The following ARID1A variants were observed in gnomAD, a reference collection of about 807,000 sequenced individuals.
The protein encoded by ARID1A is AT-rich interaction domain 1A.
A neutral mutation model predicts 212.6 loss-of-function variants in ARID1A; 20 were observed. The observed-to-expected ratio is 0.09, with a 90% confidence interval of 0.07 to 0.14. ARID1A has a LOEUF of 0.14. Ranked by LOEUF, ARID1A falls within the 10% of genes least tolerant of loss-of-function variation. The pLI is 1.00. For missense variants in ARID1A, 2,587 were observed against 3,059.0 expected, an observed-to-expected ratio of 0.85 and a Z score of 3.64; for synonymous variants, 1,376 against 1,222.1, an observed-to-expected ratio of 1.13 and a Z score of -2.63.
In ARID1A at chr1:26,696,855, G is replaced by A; in HGVS notation, c.452G>A (p.Gly151Glu). The A allele has an allele frequency of 7.4e-7, 1 of 1,344,700 alleles. No homozygotes were observed. The highest frequency in any genetic ancestry group is 9.5e-7 in the Non-Finnish European group (1 of 1,049,364). 83.3% of individuals were successfully genotyped at this position (1,344,700 alleles called of 1,614,324 possible). The part of the protein sequence containing the change: ...AALPPPAYGF[G>E]QPYGRSPSAV... ...TTGCCGCCCCCAGCCTACGGCTTCG[G>A]GCAACCCTACGGCCGGAGCCCGTCT... The change falls in exon 1 of 20, where the codon GGG (glycine) becomes GAG (glutamate). Residue 151 changes from glycine (G) to glutamate (E), a missense_variant. Coordinates refer to ENST00000324856, the MANE Select transcript of ARID1A (RefSeq NM_006015.6).
At chr1:26,713,640 G>A (rs2080474674) in intron 1 of ARID1A, among the ~76,000 whole-genome samples, 1 of 152,104 alleles carries the variant, frequency 6.6e-6, no homozygotes, top group Admixed American at 6.5e-5. Flanking sequence ...GATTACAGGC[G>A]TGCGCCCAGC....
In ARID1A at chr1:26,697,156, G is replaced by T. The variant is rs1217485804; in HGVS notation, c.753G>T (p.Pro251=). The T allele has an allele frequency of 1.4e-6, 2 of 1,439,586 alleles. No individual in the cohort carries two copies. Among genetic ancestry groups the T allele is most frequent in the Non-Finnish European group, 1.8e-6 (2 of 1,099,462 alleles). 89.2% of individuals were successfully genotyped at this position (1,439,586 alleles called of 1,614,324 possible). The change falls in exon 1 of 20, where the codon CCG becomes CCT. Residue 251 remains proline, a synonymous_variant. Coordinates refer to ENST00000324856, the MANE Select transcript of ARID1A (RefSeq NM_006015.6). ...CGGCGGCGGCTGCCGGCTCCAAGCC[G>T]CCTCCCTCCTCCAGCGCCTCCGCCT... ...SGAAAAAGSK[P]PPSSSASASS... is the part of the protein sequence containing the mutation.
rs2124110697 is a variant in ARID1A, at chr1:26,773,402, G to A, written c.3772G>A (p.Asp1258Asn). 1 of 1,612,846 alleles carries A rather than the reference G, an allele frequency of 6.2e-7. No individual in the cohort carries two copies. Among genetic ancestry groups the A allele is most frequent in the Non-Finnish European group, 8.5e-7 (1 of 1,179,270 alleles). ...GCAGGGCCCCAACGGCGGGATGGGTGACCCCTACAGTCGTGCTGCCGGCCC... is the reference window on the plus strand; with the variant it reads ...GCAGGGCCCCAACGGCGGGATGGGTAACCCCTACAGTCGTGCTGCCGGCCC... ...SGQGPNGGMG[D>N]PYSRAAGPGL... Residue 1258 changes from aspartate to asparagine, a missense_variant, in exon 15 of 20, where the codon GAC becomes AAC. Physicochemically the swap from Asp to Asn is conservative, Grantham distance 23. Transcript: ENST00000324856.
At chr1:26,755,622 T>C (rs1416259018) in intron 4 of ARID1A, among the ~76,000 whole-genome samples, 2 of 152,186 alleles carry the variant, frequency 1.3e-5, no homozygotes, top group Non-Finnish European at 2.9e-5. Flanking sequence ...ATCCCTCAGG[T>C]GGACCAGGGG....
chr1:26,778,943 G>A (rs1570620864), intron 19 of ARID1A, 80 bp from the exon 20 acceptor site: 1 of 1,371,534 alleles, frequency 7.3e-7, no homozygotes, highest in East Asian at 2.3e-5. Flanking sequence ...CAGAAGACTT[G>A]GGGAGGTCTC....
At chr1:26,715,366 C>G (rs1300044406) in intron 1 of ARID1A, among the ~76,000 whole-genome samples, 2 of 152,164 alleles carry the variant, frequency 1.3e-5, no homozygotes, top group Non-Finnish European at 2.9e-5. Context: ...TACCATATCA[C>G]TTAATGGTAG....
chr1:26,773,235 C>A, intron 14 of ARID1A, 111 bp from the exon 15 acceptor site: 1 of 1,435,076 alleles, frequency 7.0e-7, no homozygotes, highest in Non-Finnish European at 9.4e-7. Flanking sequence ...TTGAACTTGT[C>A]TGGAAAACAA....
chr1:26,700,306 A>G (rs1570544588), intron 1 of ARID1A, among the ~76,000 whole-genome samples: 1 of 152,230 alleles, frequency 6.6e-6, no homozygotes, highest in East Asian at 1.9e-4. Flanking sequence ...GTCTTAGATT[A>G]AGAATATTTT....
chr1:26,706,987 G>A (rs1449989461), intron 1 of ARID1A, among the ~76,000 whole-genome samples: 1 of 151,562 alleles, frequency 6.6e-6, no homozygotes, highest in East Asian at 1.9e-4. Context: ...CAATTCTGTA[G>A]GTAGTTTATC....
intron 19 of ARID1A, 62 bp downstream of exon 19, chr1:26,775,769 G>T (rs771539435): frequency 6.2e-7 from 1 of 1,604,002 alleles, no homozygotes; most frequent in Admixed American, 1.7e-5. Context: ...TAGACAATGG[G>T]AATGTCTCAT....
In ARID1A at chr1:26,728,182, A is replaced by C. The variant is rs562879565; in HGVS notation, c.1138-1469A>C. On this transcript the variant is annotated intron_variant, in intron 1 of 19. Transcript: ENST00000324856. ...GTACAGTTTAGAAACATGGGGGAGG[A>C]GTATTCCCATCATCACTCACCAATT... is the stretch of plus-strand genomic sequence containing the variant. Among the ~76,000 whole-genome samples, 3 of 152,260 alleles carry C rather than the reference A, an allele frequency of 2.0e-5. No homozygotes were observed. The South Asian group carries it at 6.2e-4, about 32-fold the overall frequency.
At chr1:26,710,437 T>C (rs890504667) in intron 1 of ARID1A, among the ~76,000 whole-genome samples, 2 of 147,674 alleles carry the variant, frequency 1.4e-5, no homozygotes, top group Non-Finnish European at 3.0e-5. Context: ...GATCACACCA[T>C]TGCACTCCAG....
Position 26,773,730 on chromosome 1 carries a change from T to C in ARID1A, c.4004+13T>C. The C allele has an allele frequency of 6.2e-7, 1 of 1,614,182 alleles. No individual in the cohort carries two copies. The highest frequency in any genetic ancestry group is 8.5e-7 in the Non-Finnish European group (1 of 1,180,030). The stretch of plus-strand genomic sequence containing the variant: ...AGCAGCAGCAACGGTGAGTAAAGCC[T>C]GGTCTCGGTGCTGCTATGGATCAGG... On this transcript the variant is annotated intron_variant, in intron 16 of 19. Transcript: ENST00000324856.
intron 4 of ARID1A, among the ~76,000 whole-genome samples, chr1:26,757,840 A>T (rs1235315039): frequency 2.0e-5 from 3 of 151,900 alleles, no homozygotes; most frequent in South Asian, 2.1e-4. Context: ...GGGTTTTGCC[A>T]TGTTGGCCAG....
In ARID1A at chr1:26,760,913, G is replaced by A. The variant is rs2124054531; in HGVS notation, c.1978G>A (p.Gly660Arg). 6.2e-7 allele frequency: 1 copy of A among 1,614,028 alleles called. No homozygotes were observed. The highest frequency in any genetic ancestry group is 1.3e-5 in the African/African-American group (1 of 75,004). The change falls in exon 5 of 20, where the codon GGA becomes AGA. Residue 660 changes from glycine (G) to arginine (R), a missense_variant. Transcript: ENST00000324856. Reference sequence around the variant, plus strand: ...GGGGACAGAAGGAGCTCTGAGTCCTGGAGTGAGCACATCAGGGATTTCCAG... The same window carrying A: ...GGGGACAGAAGGAGCTCTGAGTCCTAGAGTGAGCACATCAGGGATTTCCAG... ...PMGTEGALSPGVSTSGISSSQ... is the reference protein window; with the variant it reads ...PMGTEGALSPRVSTSGISSSQ...
At chr1:26,775,897 A>T in intron 19 of ARID1A, 190 bp downstream of exon 19, 1 of 830,332 alleles carries the variant, frequency 1.2e-6, no homozygotes, top group East Asian at 2.7e-5. Context: ...ATTTGTTTAC[A>T]TGATAACCTT....
intron 1 of ARID1A, among the ~76,000 whole-genome samples, chr1:26,722,319 C>T (rs2080572767): frequency 6.6e-6 from 1 of 152,150 alleles, no homozygotes; most frequent in Admixed American, 6.5e-5. Context: ...GATCTCTGCT[C>T]ACTACAACCT....
intron 8 of ARID1A, among the ~76,000 whole-genome samples, chr1:26,763,731 C>T (rs1277030707): frequency 6.6e-6 from 1 of 152,158 alleles, no homozygotes; most frequent in Non-Finnish European, 1.5e-5. Context: ...ACTGCGCCAC[C>T]ACACTCCAGC....
chr1:26,759,371 T>C (rs1323441909), intron 4 of ARID1A, among the ~76,000 whole-genome samples: 1 of 152,010 alleles, frequency 6.6e-6, no homozygotes, highest in Non-Finnish European at 1.5e-5. Context: ...CCTGGCTTAT[T>C]TTTGGGGGTA....
Sources: gnomAD v4.1 joint callset for allele counts (sites outside exome capture counted in the v4.1 genomes callset) on GRCh38, gnomAD v4.1.1 for gene constraint, MANE v1.5 for transcripts, NCBI Gene and HGNC (gene_info 2026-07-23, HGNC 2026-07-21) for gene names.